The following CADM2 variants were observed in gnomAD, a reference collection of about 807,000 sequenced individuals.
CADM2 encodes cell adhesion molecule 2.
In CADM2, 12 loss-of-function variants were observed where a neutral mutation model predicts 49.8. The observed-to-expected ratio is 0.24, with a 90% CI of 0.15 to 0.39. The LOEUF is 0.39. CADM2 is among the 10% of genes least tolerant of loss of function. The pLI is 1.00. For synonymous variants in CADM2, 214 were observed against 175.4 expected (o/e 1.22, Z -1.74); for missense variants, 378 against 492.3 (o/e 0.77, Z 2.20).
At chr3:84,972,112 G>A (rs1037909644) in intron 1 of CADM2, among the ~76,000 whole-genome samples, 16 of 152,172 alleles carry the variant, frequency 1.1e-4, no homozygotes, top group African/African-American at 3.9e-4. Context: ...AAGTTCTCAG[G>A]CAAGCCGTGT....
At chr3:85,760,171 A>T (rs2069304751) in intron 2 of CADM2, among the ~76,000 whole-genome samples, 1 of 152,128 alleles carries the variant, frequency 6.6e-6, no homozygotes, top group African/African-American at 2.4e-5. Flanking sequence ...CTGCTCTGAA[A>T]GAAATGTTTT....
chr3:85,943,151 T>C (rs925103561), intron 7 of CADM2, among the ~76,000 whole-genome samples: 2 of 151,106 alleles, frequency 1.3e-5, no homozygotes, highest in Non-Finnish European at 2.9e-5. Flanking sequence ...AAGTGTCTGT[T>C]CATGTCCTTC....
intron 8 of CADM2, among the ~76,000 whole-genome samples, chr3:85,999,370 T>C (rs554149379): frequency 6.3e-4 from 95 of 151,940 alleles, no homozygotes; most frequent in South Asian, 1.5e-3. Flanking sequence ...TCAGGCATGA[T>C]GGTGTGCACC....
intron 3 of CADM2, among the ~76,000 whole-genome samples, chr3:85,803,353 A>G (rs768776902): frequency 4.6e-5 from 7 of 152,136 alleles, no homozygotes; most frequent in Non-Finnish European, 1.0e-4. Flanking sequence ...GAGGAGACAG[A>G]CAATAAAGAA....
At chr3:85,410,944 T>G (rs926772496) in intron 1 of CADM2, among the ~76,000 whole-genome samples, 2 of 152,158 alleles carry the variant, frequency 1.3e-5, no homozygotes, top group Admixed American at 1.3e-4. Context: ...CTTCTAATGG[T>G]AGACAAAATT....
At chr3:85,633,277 C>T (rs1183717577) in intron 1 of CADM2, among the ~76,000 whole-genome samples, 1 of 151,826 alleles carries the variant, frequency 6.6e-6, no homozygotes, top group Non-Finnish European at 1.5e-5. Context: ...ACTTTGTTTC[C>T]AGATTTATAA....
At chr3:85,807,018 G>C (rs892216165) in intron 3 of CADM2, among the ~76,000 whole-genome samples, 1 of 152,160 alleles carries the variant, frequency 6.6e-6, no homozygotes, top group Non-Finnish European at 1.5e-5. Context: ...CTAATGTCTG[G>C]TAGTGAAGAA....
At chr3:85,144,141 C>G in intron 1 of CADM2, among the ~76,000 whole-genome samples, 1 of 152,124 alleles carries the variant, frequency 6.6e-6, no homozygotes, top group Non-Finnish European at 1.5e-5. Flanking sequence ...ACTCTGTTAA[C>G]TATTTCCAGA....
At chr3:85,603,177 A>G (rs1047077062) in intron 1 of CADM2, among the ~76,000 whole-genome samples, 4 of 151,912 alleles carry the variant, frequency 2.6e-5, no homozygotes, top group African/African-American at 9.7e-5. Context: ...TGGATCTGAA[A>G]TATACATTTA....
At chr3:85,956,844 C>A (rs1724124585) in intron 7 of CADM2, among the ~76,000 whole-genome samples, 1 of 151,438 alleles carries the variant, frequency 6.6e-6, no homozygotes, top group Non-Finnish European at 1.5e-5. Flanking sequence ...AAAATCATGA[C>A]AGTTTAGATT....
At chr3:85,179,361 T>C (rs896113812) in intron 1 of CADM2, among the ~76,000 whole-genome samples, 2 of 152,056 alleles carry the variant, frequency 1.3e-5, no homozygotes, top group African/African-American at 4.8e-5. Flanking sequence ...GTATAAAGAA[T>C]GTGACTTCTT....
intron 1 of CADM2, among the ~76,000 whole-genome samples, chr3:85,636,451 T>C (rs1012353183): frequency 6.6e-6 from 1 of 152,130 alleles, no homozygotes; most frequent in Non-Finnish European, 1.5e-5. Flanking sequence ...TACAAAAGAG[T>C]CCAAAATTTT....
chr3:85,696,865 A>G (rs2066573957), intron 1 of CADM2, among the ~76,000 whole-genome samples: 1 of 151,868 alleles, frequency 6.6e-6, no homozygotes. Flanking sequence ...AAAAATCTTG[A>G]CTATATGTCC....
chr3:85,780,944 A>G (rs1321387982), intron 2 of CADM2, among the ~76,000 whole-genome samples: 1 of 152,034 alleles, frequency 6.6e-6, no homozygotes, highest in African/African-American at 2.4e-5. Flanking sequence ...TCCTTGGACC[A>G]TGCTCTTGGG....
chr3:85,285,027 A>C (rs1257990959), intron 1 of CADM2, among the ~76,000 whole-genome samples: 2 of 152,068 alleles, frequency 1.3e-5, no homozygotes, highest in African/African-American at 4.8e-5. Context: ...GATAGCAGTA[A>C]AATTCTGGAT....
chr3:85,096,386 C>T (rs959429362), intron 1 of CADM2, among the ~76,000 whole-genome samples: 2 of 150,696 alleles, frequency 1.3e-5, no homozygotes, highest in African/African-American at 2.4e-5. Flanking sequence ...TTTGTTCTTC[C>T]TTAAAATGTA....
At chr3:85,191,995 A>G (rs930031250) in intron 1 of CADM2, among the ~76,000 whole-genome samples, 1 of 150,896 alleles carries the variant, frequency 6.6e-6, no homozygotes, top group Non-Finnish European at 1.5e-5. Context: ...ACAAAGCTCA[A>G]TCCAACTCTG....
chr3:85,500,266 A>AT (rs147524838), intron 1 of CADM2, among the ~76,000 whole-genome samples: 8,910 of 152,056 alleles, frequency 0.059, 597 homozygotes, highest in African/African-American at 0.16. Flanking sequence ...CAGAATATAT[A>AT]TTTTTTCAGG....
At chr3:85,548,511 A>G (rs991284110) in intron 1 of CADM2, among the ~76,000 whole-genome samples, 4 of 150,752 alleles carry the variant, frequency 2.7e-5, no homozygotes, top group African/African-American at 4.8e-5. Flanking sequence ...AGAAGCCTAG[A>G]GTCCCAGAGT....
Sources: gnomAD v4.1 joint callset for allele counts (sites outside exome capture counted in the v4.1 genomes callset) on GRCh38, gnomAD v4.1.1 for gene constraint, MANE v1.5 for transcripts, NCBI Gene and HGNC (gene_info 2026-07-23, HGNC 2026-07-21) for gene names.